The following PALM2AKAP2 variants were observed in gnomAD, a reference collection of about 807,000 sequenced individuals.
PALM2AKAP2 encodes the protein PALM2-AKAP2 fusion protein.
A neutral mutation model predicts 71.5 loss-of-function variants in PALM2AKAP2; 37 were observed. The ratio of observed to expected loss-of-function variants is 0.52; its 90% CI spans 0.40 to 0.68. The LOEUF (loss-of-function observed/expected upper bound fraction) is 0.68, where lower values mean the gene tolerates loss of function less well. Ranked by LOEUF, PALM2AKAP2 falls within the 30% of genes least tolerant of loss-of-function variation. PALM2AKAP2 has a pLI of 0.00. For synonymous variants in PALM2AKAP2, 468 were observed against 478.8 expected, an observed-to-expected ratio of 0.98 and a Z score of 0.29; for missense variants, 1,224 against 1,191.8, an observed-to-expected ratio of 1.03 and a Z score of -0.40.
chr9:110,156,652 A>C (rs371376514), intron 3 of PALM2AKAP2, among the ~76,000 whole-genome samples, 155 bp downstream of exon 9: 8 of 152,218 alleles, frequency 5.3e-5, no homozygotes, highest in African/African-American at 1.9e-4. Flanking sequence ...CATGCCTGGA[A>C]CTGGGTTTGG....
At chr9:109,994,045 C>T (rs986251836) in intron 6 of PALM2AKAP2, among the ~76,000 whole-genome samples, 6 of 152,176 alleles carry the variant, frequency 3.9e-5, no homozygotes, top group African/African-American at 1.4e-4. Context: ...AAATACTGAA[C>T]TCTCCCTTAA....
chr9:109,722,293 C>G (rs1818074794), intron 1 of PALM2AKAP2, among the ~76,000 whole-genome samples: 1 of 152,174 alleles, frequency 6.6e-6, no homozygotes, highest in South Asian at 2.1e-4. Flanking sequence ...CACACGCATA[C>G]ACACATGCAT....
At chr9:109,933,460 A>G (rs7856481) in intron 6 of PALM2AKAP2, among the ~76,000 whole-genome samples, 6,475 of 152,290 alleles carry the variant, frequency 0.043, 471 homozygotes, top group African/African-American at 0.15. Context: ...ATATGATCCA[A>G]CATATGGATC....
At chr9:109,998,209 T>A (rs1341497251) in intron 6 of PALM2AKAP2, among the ~76,000 whole-genome samples, 1 of 152,144 alleles carries the variant, frequency 6.6e-6, no homozygotes, top group Non-Finnish European at 1.5e-5. Flanking sequence ...CAGGAAGAAG[T>A]CTGGTTTAGG....
chr9:109,864,464 T>C (rs1299842462), intron 1 of PALM2AKAP2, among the ~76,000 whole-genome samples: 3 of 152,216 alleles, frequency 2.0e-5, no homozygotes, highest in Non-Finnish European at 4.4e-5. Context: ...TTCTGATTGG[T>C]ACAGCTCTAA....
At chr9:109,968,172 T>C (rs895662977) in intron 6 of PALM2AKAP2, among the ~76,000 whole-genome samples, 1 of 152,208 alleles carries the variant, frequency 6.6e-6, no homozygotes, top group African/African-American at 2.4e-5. Context: ...AACAGTCCTC[T>C]CTGGCACTTC....
intron 1 of PALM2AKAP2, among the ~76,000 whole-genome samples, chr9:109,802,278 G>A (rs911589866): frequency 1.3e-5 from 2 of 152,266 alleles, no homozygotes; most frequent in African/African-American, 2.4e-5. Flanking sequence ...TCATCAGCAC[G>A]TGATTTCTGT....
intron 7 of PALM2AKAP2, among the ~76,000 whole-genome samples, chr9:110,025,737 G>A (rs1833168443): frequency 1.3e-5 from 2 of 152,194 alleles, no homozygotes; most frequent in South Asian, 4.1e-4. Context: ...ATCCTAGTGG[G>A]TGTGGAGTCG....
chr9:109,735,687 A>G (rs1461870206), intron 1 of PALM2AKAP2, among the ~76,000 whole-genome samples: 1 of 152,188 alleles, frequency 6.6e-6, no homozygotes, highest in Non-Finnish European at 1.5e-5. Flanking sequence ...TGCCCAGAGG[A>G]AAAGGGAAGA....
chr9:110,028,046 CA>C (rs1467796337), intron 7 of PALM2AKAP2, among the ~76,000 whole-genome samples: 2 of 152,146 alleles, frequency 1.3e-5, no homozygotes, highest in Admixed American at 6.5e-5. Flanking sequence ...TGAAACTATT[CA>C]GGGTAGTGGA....
At chr9:109,790,923 C>T (rs1182521671) in intron 1 of PALM2AKAP2, among the ~76,000 whole-genome samples, 1 of 152,230 alleles carries the variant, frequency 6.6e-6, no homozygotes, top group African/African-American at 2.4e-5. Flanking sequence ...CTGTAACCTG[C>T]ATGGCCTATT....
chr9:109,862,264 A>G (rs896253066), intron 1 of PALM2AKAP2, among the ~76,000 whole-genome samples: 1 of 152,182 alleles, frequency 6.6e-6, no homozygotes, highest in South Asian at 2.1e-4. Flanking sequence ...CTAGCTTAAG[A>G]AAATGGGAGA....
intron 1 of PALM2AKAP2, among the ~76,000 whole-genome samples, chr9:109,797,021 C>A (rs1827277923): frequency 6.6e-6 from 1 of 152,164 alleles, no homozygotes; most frequent in Non-Finnish European, 1.5e-5. Context: ...TCTGTCTTAT[C>A]CCCAAACGCC....
At chr9:109,822,403 G>A (rs1248726564) in intron 1 of PALM2AKAP2, among the ~76,000 whole-genome samples, 1 of 151,904 alleles carries the variant, frequency 6.6e-6, no homozygotes, top group Non-Finnish European at 1.5e-5. Flanking sequence ...GGTTCAAGGG[G>A]TATATGTGTG....
chr9:109,821,093 C>T (rs939271910), intron 1 of PALM2AKAP2, among the ~76,000 whole-genome samples: 8 of 152,208 alleles, frequency 5.3e-5, no homozygotes, highest in African/African-American at 1.9e-4. Flanking sequence ...TGTCCCCATA[C>T]CAGGCATGGG....
At chr9:110,157,560 G>A (rs1836490405) in intron 3 of PALM2AKAP2, among the ~76,000 whole-genome samples, 2 of 151,986 alleles carry the variant, frequency 1.3e-5, no homozygotes, top group Non-Finnish European at 2.9e-5. Context: ...CACCATACCT[G>A]GCTTATTTTT....
intron 1 of PALM2AKAP2, among the ~76,000 whole-genome samples, chr9:109,738,629 TC>T (rs1828673661): frequency 6.6e-6 from 1 of 152,204 alleles, no homozygotes; most frequent in Non-Finnish European, 1.5e-5. Flanking sequence ...ACGGTAGTCT[TC>T]TATCCAGAAG....
At position 109,949,702 on chromosome 9, in the gene PALM2AKAP2, T is replaced by C. The variant is rs373200845; in HGVS notation, c.496+17674T>C. Among the ~76,000 whole-genome samples the C allele has an allele frequency of 6.8e-4, 103 of 152,288 alleles. 1 individual carries two copies. Among genetic ancestry groups the C allele is most frequent in the South Asian group, 3.9e-3 (19 of 4,824 alleles). ...TCCAAATAGGCCTTGGTTGGAAGATTGAGCTTTCTATACCTGCCATTAGGT... is the reference window on the plus strand; with the variant it reads ...TCCAAATAGGCCTTGGTTGGAAGATCGAGCTTTCTATACCTGCCATTAGGT... On this transcript the variant is annotated intron_variant, in intron 6 of 9. Transcript: ENST00000302798.
intron 3 of PALM2AKAP2, among the ~76,000 whole-genome samples, chr9:109,892,721 C>T (rs1830114833): frequency 6.6e-6 from 1 of 151,954 alleles, no homozygotes; most frequent in African/African-American, 2.4e-5. Flanking sequence ...CTGCTTGCTG[C>T]CTGTATAATT....
Sources: gnomAD v4.1 joint callset for allele counts (sites outside exome capture counted in the v4.1 genomes callset) on GRCh38, gnomAD v4.1.1 for gene constraint, MANE v1.5 for transcripts, NCBI Gene and HGNC (gene_info 2026-07-23, HGNC 2026-07-21) for gene names.